ANK2: variants seen among roughly 807,000 people sequenced by gnomAD.
ANK2 encodes the protein ankyrin 2, also known as ankyrin-2.
In ANK2, 83 loss-of-function variants were observed where a neutral mutation model predicts 360.5. The observed-to-expected ratio is 0.23, with a 90% CI of 0.19 to 0.28. The LOEUF is 0.28. Among genes scored for constraint, ANK2 ranks in the 10% least tolerant of loss-of-function variants. ANK2 has a pLI of 1.00. For missense variants in ANK2, 4,201 were observed against 4,795.7 expected (o/e 0.88, Z 3.66); for synonymous variants, 1,740 against 1,759.5 (o/e 0.99, Z 0.28).
chr4:113,198,122 T>C (rs2098776596), intron 3 of ANK2, among the ~76,000 whole-genome samples: 1 of 152,244 alleles, frequency 6.6e-6, no homozygotes, highest in Admixed American at 6.5e-5. Flanking sequence ...TTTATTACTA[T>C]TTTTGTTTTT....
chr4:113,171,897 C>G (rs1279941767), intron 1 of ANK2, among the ~76,000 whole-genome samples: 1 of 152,150 alleles, frequency 6.6e-6, no homozygotes, highest in African/African-American at 2.4e-5. Flanking sequence ...CATTGCCACT[C>G]CAGGCTGCTG....
intron 2 of ANK2, among the ~76,000 whole-genome samples, chr4:113,022,619 G>A (rs1351011472): frequency 6.6e-6 from 1 of 152,144 alleles, no homozygotes; most frequent in Non-Finnish European, 1.5e-5. Flanking sequence ...AACTATAATT[G>A]CTACCTATTC....
intron 1 of ANK2, among the ~76,000 whole-genome samples, chr4:112,867,491 C>A (rs1399726553): frequency 6.6e-6 from 1 of 151,874 alleles, no homozygotes; most frequent in Non-Finnish European, 1.5e-5. Flanking sequence ...GTTGTACAAC[C>A]ACCATTACTA....
intron 1 of ANK2, among the ~76,000 whole-genome samples, chr4:112,862,820 G>T (rs1228566467): frequency 6.6e-6 from 1 of 152,010 alleles, no homozygotes; most frequent in East Asian, 1.9e-4. Flanking sequence ...TACTTGAGAG[G>T]ATGAGGCGAG....
chr4:113,027,468 T>C (rs1188311407), intron 2 of ANK2, among the ~76,000 whole-genome samples: 1 of 152,138 alleles, frequency 6.6e-6, no homozygotes, highest in African/African-American at 2.4e-5. Context: ...CAGAACCTGA[T>C]CTCTGCCTGT....
chr4:112,778,712 A>G, the ANK2 span, among the ~76,000 whole-genome samples: 1 of 152,200 alleles, frequency 6.6e-6, no homozygotes, highest in Non-Finnish European at 1.5e-5. Flanking sequence ...AGCCTGCAAT[A>G]GGATTGTTAC....
At chr4:112,784,482 T>C in the ANK2 span, among the ~76,000 whole-genome samples, 1 of 148,654 alleles carries the variant, frequency 6.7e-6, no homozygotes, top group Non-Finnish European at 1.5e-5. Flanking sequence ...CTCAGCCTCC[T>C]ACCGGCGCCT....
At chr4:113,107,138 A>G (rs1424303798) in intron 1 of ANK2, among the ~76,000 whole-genome samples, 1 of 152,148 alleles carries the variant, frequency 6.6e-6, no homozygotes, top group Non-Finnish European at 1.5e-5. Flanking sequence ...CTCTACTTCT[A>G]TCAGGGATAT....
the ANK2 span, among the ~76,000 whole-genome samples, chr4:112,712,640 C>T: frequency 6.6e-6 from 1 of 151,670 alleles, no homozygotes; most frequent in South Asian, 2.1e-4. Context: ...ATCTTCTGAC[C>T]TCATGATCCG....
At chr4:113,341,361 C>T (rs1325230821) in intron 32 of ANK2, among the ~76,000 whole-genome samples, 1 of 152,198 alleles carries the variant, frequency 6.6e-6, no homozygotes, top group East Asian at 1.9e-4. Context: ...GATTCCAAAA[C>T]ACTAAATATA....
At chr4:113,049,614 C>T (rs1246466124), upstream of ANK2, 2 of 1,517,542 alleles carry the variant, frequency 1.3e-6, no homozygotes, top group Non-Finnish European at 1.8e-6. Context: ...AGTGCGCGCC[C>T]CTTCCCCACC....
chr4:113,350,540 A>C, intron 37 of ANK2: 1 of 323,016 alleles, frequency 3.1e-6, no homozygotes, highest in East Asian at 5.9e-5. Flanking sequence ...TTAGAAACCC[A>C]CCCTACCGTT....
intron 5 of ANK2, among the ~76,000 whole-genome samples, chr4:113,234,575 T>G (rs1054850521): frequency 6.6e-6 from 1 of 152,190 alleles, no homozygotes; most frequent in Non-Finnish European, 1.5e-5. Flanking sequence ...GGCTGTGTGG[T>G]TGATTGCCAT....
At chr4:112,858,234 T>TTA (rs930555197) in intron 1 of ANK2, among the ~76,000 whole-genome samples, 2 of 151,764 alleles carry the variant, frequency 1.3e-5, no homozygotes, top group Non-Finnish European at 2.9e-5. Context: ...AGTGACAATA[T>TTA]TACTGACAAT....
chr4:112,911,221 A>T (rs1435548370), intron 2 of ANK2, among the ~76,000 whole-genome samples: 2 of 122,352 alleles, frequency 1.6e-5, no homozygotes, highest in Non-Finnish European at 1.6e-5. Flanking sequence ...GAGATGGTAT[A>T]TCTCGGCTGG....
chr4:113,372,447 C>T (rs977767383), intron 43 of ANK2: 1 of 830,270 alleles, frequency 1.2e-6, no homozygotes, highest in East Asian at 2.7e-5. Context: ...AAAAGTTTCA[C>T]AATACAATGT....
At position 112,957,682 on chromosome 4, in the gene ANK2, T is replaced by C. The variant is rs867996812; in HGVS notation, c.21+53168T>C. ...CTCCCTCCCGGACGGGGCGGCTGGCTGGGCGGGGGGCTGACCCCCCCACCT... is the reference window on the plus strand; with the variant it reads ...CTCCCTCCCGGACGGGGCGGCTGGCCGGGCGGGGGGCTGACCCCCCCACCT... On this transcript the variant is annotated intron_variant, in intron 2 of 30. Coordinates refer to the ANK2 transcript ENST00000503271. 4.4e-3 allele frequency among the ~76,000 whole-genome samples: 489 copies of C among 112,102 alleles called. 2 individuals carry two copies. The highest frequency in any genetic ancestry group is 0.012 in the African/African-American group (338 of 28,044). 73.5% of individuals were successfully genotyped at this position (112,102 alleles called of 152,430 possible).
the ANK2 span, among the ~76,000 whole-genome samples, chr4:112,712,438 C>T: frequency 3.5e-5 from 4 of 115,806 alleles, no homozygotes; most frequent in East Asian, 2.9e-4. Flanking sequence ...GATGGAGTTT[C>T]GCTCTGTCGC....
At chr4:113,022,202 G>A (rs1212966009) in intron 2 of ANK2, among the ~76,000 whole-genome samples, 7 of 152,132 alleles carry the variant, frequency 4.6e-5, no homozygotes, top group Non-Finnish European at 8.8e-5. Flanking sequence ...AATAAATGTC[G>A]AGACTAGTAT....
Sources: gnomAD v4.1 joint callset for allele counts (sites outside exome capture counted in the v4.1 genomes callset) on GRCh38, gnomAD v4.1.1 for gene constraint, MANE v1.5 for transcripts, NCBI Gene and HGNC (gene_info 2026-07-23, HGNC 2026-07-21) for gene names.